The following NPSR1 variants were observed in gnomAD, a reference collection of about 807,000 sequenced individuals.
NPSR1 encodes the protein neuropeptide S receptor.
Under a neutral mutation model 46.9 loss-of-function variants are expected in NPSR1, and 48 were observed. The observed-to-expected ratio is 1.02, with a 90% CI of 0.81 to 1.30. The LOEUF (loss-of-function observed/expected upper bound fraction) is 1.30, where lower values mean the gene tolerates loss of function less well. Ranked by LOEUF, NPSR1 falls within the 50% of genes most tolerant of loss-of-function variation. NPSR1 has a pLI of 0.00. For missense variants in NPSR1, 450 were observed against 449.5 expected (o/e 1.00, Z -0.01); for synonymous variants, 176 against 168.1 (o/e 1.05, Z -0.36).
chr7:34,711,793 T>C (rs1417482030), intron 2 of NPSR1, among the ~76,000 whole-genome samples: 1 of 152,198 alleles, frequency 6.6e-6, no homozygotes, highest in Non-Finnish European at 1.5e-5. Context: ...CCAGGCTTCC[T>C]AGGGGAGTGT....
chr7:34,841,840 C>A (rs552419457), intron 6 of NPSR1, among the ~76,000 whole-genome samples: 3 of 152,288 alleles, frequency 2.0e-5, no homozygotes, highest in African/African-American at 7.2e-5. Context: ...CAGAGCCATA[C>A]TGTTTAGGGG....
At chr7:34,805,032 C>A in intron 3 of NPSR1, among the ~76,000 whole-genome samples, 1 of 151,012 alleles carries the variant, frequency 6.6e-6, no homozygotes, top group African/African-American at 2.4e-5. Flanking sequence ...GAAAAAAAAG[C>A]AAATATCTAA....
chr7:34,793,152 C>G (rs1232401414), intron 3 of NPSR1, among the ~76,000 whole-genome samples: 2 of 151,894 alleles, frequency 1.3e-5, no homozygotes, highest in East Asian at 3.9e-4. Context: ...CATAGTGAGA[C>G]CCCCATCTAG....
chr7:34,713,639 G>A (rs547327259), intron 2 of NPSR1, among the ~76,000 whole-genome samples: 28 of 152,270 alleles, frequency 1.8e-4, no homozygotes, highest in African/African-American at 6.0e-4. Context: ...AGAGGCTGGT[G>A]TTTTCACTCT....
intron 2 of NPSR1, among the ~76,000 whole-genome samples, chr7:34,716,714 C>A (rs942553329): frequency 2.0e-5 from 3 of 152,112 alleles, no homozygotes; most frequent in African/African-American, 7.2e-5. Flanking sequence ...CCCTCACAAT[C>A]CTTTATCTCT....
intron 2 of NPSR1, among the ~76,000 whole-genome samples, chr7:34,766,763 C>T (rs1365582922): frequency 2.0e-5 from 3 of 151,936 alleles, no homozygotes; most frequent in Admixed American, 6.6e-5. Flanking sequence ...TTAGTAGAGA[C>T]GGGGTTTCAC....
intron 2 of NPSR1, among the ~76,000 whole-genome samples, chr7:34,742,318 C>T (rs568743055): frequency 3.3e-5 from 5 of 152,282 alleles, no homozygotes; most frequent in Non-Finnish European, 7.4e-5. Context: ...CTCCCTCCTC[C>T]CACCCTCCAC....
At chr7:34,671,300 T>C (rs1419374464) in intron 1 of NPSR1, among the ~76,000 whole-genome samples, 1 of 152,210 alleles carries the variant, frequency 6.6e-6, no homozygotes, top group South Asian at 2.1e-4. Flanking sequence ...CAGATGGTTT[T>C]TATTTTATCT....
intron 2 of NPSR1, among the ~76,000 whole-genome samples, chr7:34,694,655 T>C (rs183618201): frequency 6.6e-6 from 1 of 152,346 alleles, no homozygotes; most frequent in Admixed American, 6.5e-5. Context: ...TTCAGAGAAT[T>C]AGTAAAACAA....
chr7:34,822,315 G>T (rs1789597555), intron 4 of NPSR1, among the ~76,000 whole-genome samples: 1 of 152,188 alleles, frequency 6.6e-6, no homozygotes, highest in Admixed American at 6.5e-5. Flanking sequence ...CCCCGAGAGT[G>T]GCAGGGCTCT....
chr7:34,746,515 T>C (rs1038396741), intron 2 of NPSR1, among the ~76,000 whole-genome samples: 2 of 152,228 alleles, frequency 1.3e-5, no homozygotes, highest in Non-Finnish European at 2.9e-5. Flanking sequence ...TATCTGCAGT[T>C]GGAACTCTTC....
At chr7:34,872,824 G>C (rs1791489873) in intron 8 of NPSR1, among the ~76,000 whole-genome samples, 1 of 151,716 alleles carries the variant, frequency 6.6e-6, no homozygotes, top group African/African-American at 2.4e-5. Context: ...ACAACACATG[G>C]GAATTCAAGA....
rs571490989 is a variant in NPSR1 at position 34,819,027 on chromosome 7, A to T, written c.478+7164A>T. 2.6e-5 allele frequency among the ~76,000 whole-genome samples: 4 copies of T among 152,348 alleles called. No homozygotes were observed. In the East Asian group the frequency reaches 7.7e-4, roughly 29 times the overall value. On this transcript the variant is annotated intron_variant, in intron 4 of 8. Coordinates refer to ENST00000360581, the MANE Select transcript of NPSR1 (RefSeq NM_207172.2). ...GGCATGGGCAAAGACTTCATGACTAAAACACCAAAAGCAATGGCAACAAAA... is the reference window on the plus strand; with the variant it reads ...GGCATGGGCAAAGACTTCATGACTATAACACCAAAAGCAATGGCAACAAAA...
chr7:34,696,286 AT>A (rs1034961906), intron 2 of NPSR1, among the ~76,000 whole-genome samples: 2 of 152,112 alleles, frequency 1.3e-5, no homozygotes, highest in African/African-American at 4.8e-5. Context: ...AAAGATGGAA[AT>A]AATAGACACT....
chr7:34,866,392 T>C (rs1383216163), intron 8 of NPSR1, among the ~76,000 whole-genome samples: 1 of 151,726 alleles, frequency 6.6e-6, no homozygotes, highest in Non-Finnish European at 1.5e-5. Context: ...TAGACAGACA[T>C]GCAAATGATG....
intron 1 of NPSR1, among the ~76,000 whole-genome samples, chr7:34,659,243 G>C (rs1461531522): frequency 1.3e-5 from 2 of 152,234 alleles, no homozygotes; most frequent in African/African-American, 2.4e-5. Context: ...CTTGTGGACA[G>C]AAATGAACCG....
At chr7:34,663,400 A>C (rs565173226) in intron 1 of NPSR1, among the ~76,000 whole-genome samples, 1 of 152,224 alleles carries the variant, frequency 6.6e-6, no homozygotes, top group East Asian at 1.9e-4. Context: ...GGGCTGCAGA[A>C]AACAAAATGG....
At chr7:34,715,121 T>C (rs1390625177) in intron 2 of NPSR1, among the ~76,000 whole-genome samples, 2 of 152,262 alleles carry the variant, frequency 1.3e-5, no homozygotes, top group Admixed American at 1.3e-4. Flanking sequence ...TGGCAGGTTC[T>C]GCTCTGTCTG....
intron 3 of NPSR1, among the ~76,000 whole-genome samples, chr7:34,785,615 T>C (rs1437751583): frequency 6.6e-6 from 1 of 152,098 alleles, no homozygotes; most frequent in Admixed American, 6.6e-5. Flanking sequence ...AATGTAATGG[T>C]GGTGTGTAAA....
Sources: allele counts gnomAD v4.1 joint callset (sites outside exome capture counted in the v4.1 genomes callset), GRCh38; gene constraint gnomAD v4.1.1; transcripts MANE v1.5; gene names NCBI Gene and HGNC (gene_info 2026-07-23, HGNC 2026-07-21).